Variants in MPHOSPH6 observed in about 807,000 individuals in gnomAD.
MPHOSPH6 encodes the protein M-phase phosphoprotein 6.
Under a neutral mutation model 21.8 loss-of-function variants are expected in MPHOSPH6, and 25 were observed. The ratio of observed to expected loss-of-function variants is 1.15; its 90% CI spans 0.83 to 1.60. MPHOSPH6 has a LOEUF of 1.60. MPHOSPH6 is among the 40% of genes most tolerant of loss of function. The pLI, the probability that MPHOSPH6 is intolerant of heterozygous loss-of-function variation, is 0.00. For synonymous variants in MPHOSPH6, 84 were observed against 56.5 expected, an observed-to-expected ratio of 1.49 and a Z score of -2.18; for missense variants, 269 against 181.8, an observed-to-expected ratio of 1.48 and a Z score of -2.76.
At chr16:82,151,316 A>T in intron 3 of MPHOSPH6, 108 bp downstream of exon 3, 1 of 1,441,420 alleles carries the variant, frequency 6.9e-7, no homozygotes, top group Non-Finnish European at 9.5e-7. Context: ...GTTATTTTCT[A>T]TATAATGAGT....
intron 2 of MPHOSPH6, among the ~76,000 whole-genome samples, chr16:82,155,591 A>G (rs992333848): frequency 6.6e-6 from 1 of 152,226 alleles, no homozygotes; most frequent in Non-Finnish European, 1.5e-5. Flanking sequence ...TAAACAATGC[A>G]ATAAGCAAAG....
At chr16:82,169,808 C>T in intron 1 of MPHOSPH6, among the ~76,000 whole-genome samples, 1 of 152,208 alleles carries the variant, frequency 6.6e-6, no homozygotes, top group Non-Finnish European at 1.5e-5. Flanking sequence ...TAAGCAACAA[C>T]TTCTCGAGAA....
chr16:82,156,928 C>T (rs973129168), intron 2 of MPHOSPH6, among the ~76,000 whole-genome samples: 6 of 152,164 alleles, frequency 3.9e-5, no homozygotes, highest in African/African-American at 1.4e-4. Flanking sequence ...TGGTGCACGC[C>T]TGTAATCCCA....
chr16:82,170,066 C>A, intron 1 of MPHOSPH6, 59 bp downstream of exon 1: 1 of 1,543,070 alleles, frequency 6.5e-7, no homozygotes, highest in Non-Finnish European at 8.7e-7. Context: ...CGGCCCCGGC[C>A]AGGTTGGAAG....
intron 1 of MPHOSPH6, among the ~76,000 whole-genome samples, chr16:82,166,654 T>G (rs529209093): frequency 1.2e-3 from 158 of 134,068 alleles, no homozygotes; most frequent in Non-Finnish European, 1.6e-3. Context: ...GCTCACTCAG[T>G]GAAAGTTCTC....
rs1299110161 is a variant in MPHOSPH6, at chr16:82,170,110, T to G, written c.51+15A>C. On this transcript the variant is annotated intron_variant, in intron 1 of 4. Coordinates refer to ENST00000258169, the MANE Select transcript of MPHOSPH6 (RefSeq NM_005792.2). Reference sequence around the variant, plus strand: ...GCCCCTACCGCCCGGAGTGGCGCTCTCAGCGTCCCCGCACCTTCATGCGCA... The same window carrying G: ...GCCCCTACCGCCCGGAGTGGCGCTCGCAGCGTCCCCGCACCTTCATGCGCA... 1 of 1,587,942 alleles carries G rather than the reference T, an allele frequency of 6.3e-7. No individual in the cohort carries two copies.
chr16:82,148,749 G>A lies in MPHOSPH6; in HGVS notation c.465C>T (p.Phe155=), dbSNP rs3751865. 0.14 allele frequency: 231,748 copies of A among 1,613,744 alleles called. 21,717 individuals are homozygous for A. The highest frequency in any genetic ancestry group is 0.44 in the Admixed American group (26,638 of 59,986). The part of the protein sequence containing the change: ...DITPIKAKKM[F]LKPQD ...ATCCATCTTAATCCTGGGGCTTTAA[G>A]AACATCTTCTTTGCTTTAATTGGTG... The change falls in exon 5 of 5, where the codon TTC becomes TTT. Residue 155 remains phenylalanine, a synonymous_variant. Coordinates refer to ENST00000258169, the MANE Select transcript of MPHOSPH6 (RefSeq NM_005792.2).
chr16:82,164,263 TTTC>T (rs1292628607), intron 1 of MPHOSPH6, 69 bp from the exon 2 acceptor site: 5 of 1,007,588 alleles, frequency 5.0e-6, no homozygotes, highest in Admixed American at 4.5e-5. Flanking sequence ...CCCAAATAAT[TTTC>T]TTCTTCTACT....
Position 82,167,175 on chromosome 16 carries a change from T to C in MPHOSPH6, c.51+2950A>G, listed in dbSNP as rs1290523952. On this transcript the variant is annotated intron_variant, in intron 1 of 4. Coordinates refer to ENST00000258169, the MANE Select transcript of MPHOSPH6 (RefSeq NM_005792.2). The stretch of plus-strand genomic sequence containing the variant: ...CCTTTACAGAAAGTTTGCCAAGCCC[T>C]GTTCTGAGAGTCTAACAGTGCCAAA... Among the ~76,000 whole-genome samples, 4 of 152,340 alleles carry C rather than the reference T, an allele frequency of 2.6e-5. No homozygotes were observed. In the South Asian group the frequency reaches 6.2e-4, roughly 24 times the overall value.
chr16:82,156,082 T>C (rs778349061), intron 2 of MPHOSPH6, among the ~76,000 whole-genome samples: 1 of 152,146 alleles, frequency 6.6e-6, no homozygotes, highest in African/African-American at 2.4e-5. Context: ...GCATAGCCAA[T>C]GATTCATTAG....
chr16:82,160,922 C>G (rs1906587055), intron 2 of MPHOSPH6, among the ~76,000 whole-genome samples: 1 of 151,696 alleles, frequency 6.6e-6, no homozygotes, highest in Non-Finnish European at 1.5e-5. Context: ...AAGCATCTCA[C>G]ATAAGAGGTG....
chr16:82,166,117 C>T (rs189352307), intron 1 of MPHOSPH6, among the ~76,000 whole-genome samples: 126 of 152,332 alleles, frequency 8.3e-4, no homozygotes, highest in African/African-American at 3.0e-3. Flanking sequence ...GGCTCTTTAT[C>T]ATATCCTAGT....
chr16:82,148,588 A>G lies in MPHOSPH6; in HGVS notation c.*143T>C. The G allele has an allele frequency of 9.2e-7, 1 of 1,092,504 alleles. No homozygotes were observed. The highest frequency in any genetic ancestry group is 1.3e-6 in the Non-Finnish European group (1 of 795,224). 67.7% of individuals were successfully genotyped at this position (1,092,504 alleles called of 1,614,324 possible). On this transcript the variant is annotated 3_prime_UTR_variant, in exon 5 of 5. Coordinates refer to ENST00000258169, the MANE Select transcript of MPHOSPH6 (RefSeq NM_005792.2). ...CAACATCCATCACACATCTGTTTCA[A>G]AAACAGCATGTTTCTAAAATGATAA... is the stretch of plus-strand genomic sequence containing the variant.
Position 82,165,123 on chromosome 16 carries a change from TTTTTTTTTTA to T in MPHOSPH6, c.52-939_52-930del, listed in dbSNP as rs1364317072. 3.9e-4 allele frequency among the ~76,000 whole-genome samples: 34 copies of T among 86,276 alleles called. 5 individuals are homozygous for T. In the South Asian group the frequency reaches 8.0e-3, roughly 20 times the overall value. The allele number at this position is 86,276 out of a possible 152,430, so 56.6% of individuals were successfully genotyped here. ...TTCAGGTCCGATATTTCTTTTTTATTTTTTTTTTTATTTTTTTTTTTTGAGACAGAGTCTC... is the reference window on the plus strand; with the variant it reads ...TTCAGGTCCGATATTTCTTTTTTATTTTTTTTTTTTTTGAGACAGAGTCTC... On this transcript the variant is annotated intron_variant, in intron 1 of 4. Transcript: ENST00000258169.
intron 1 of MPHOSPH6, 25 bp downstream of exon 1, chr16:82,170,100 A>C (rs2303265): frequency 0.73 from 1,135,759 of 1,553,930 alleles, 422,244 homozygotes; most frequent in Admixed American, 0.81. Flanking sequence ...TACCGCCCGG[A>C]GTGGCGCTCT....
intron 1 of MPHOSPH6, among the ~76,000 whole-genome samples, chr16:82,168,502 C>T (rs1459833009): frequency 6.8e-6 from 1 of 147,948 alleles, no homozygotes; most frequent in African/African-American, 2.6e-5. Context: ...ACAGGGTCTC[C>T]CTGTGTCACC....
Position 82,148,514 on chromosome 16 carries a change from C to T in MPHOSPH6, c.*217G>A, listed in dbSNP as rs955636119. 2.0e-6 allele frequency: 1 copy of T among 494,002 alleles called. No individual in the cohort carries two copies. Among genetic ancestry groups the T allele is most frequent in the Non-Finnish European group, 3.3e-6 (1 of 299,636 alleles). The allele number at this position is 494,002 out of a possible 1,614,324, so 30.6% of individuals were successfully genotyped here. A position where few individuals can be genotyped will look rare whatever the true frequency, so the allele number is the denominator to read the frequency against. On this transcript the variant is annotated 3_prime_UTR_variant, in exon 5 of 5. Transcript: ENST00000258169. ...CCTGTAACAATGTACATTTGTAGAT[C>T]AGGGGCTAAAAATCCACTCTGAATG...
In MPHOSPH6 at chr16:82,151,463, A is replaced by G. The variant is rs766393175; in HGVS notation, c.216T>C (p.Tyr72=). ...QSFLLCEDLL[Y]GRMSFRGFNP... ...TAAATCCTCTGAATGACATTCTTCC[A>G]TAGAGAAGATCTTCACATAGTAAGA... is the stretch of plus-strand genomic sequence containing the variant. Residue 72 remains tyrosine, a synonymous_variant, in exon 3 of 5, where the codon TAT becomes TAC. Coordinates refer to ENST00000258169, the MANE Select transcript of MPHOSPH6 (RefSeq NM_005792.2). 1.2e-5 allele frequency: 19 copies of G among 1,607,366 alleles called. No homozygotes were observed. Among genetic ancestry groups the G allele is most frequent in the Admixed American group, 3.4e-5 (2 of 58,858 alleles).
At chr16:82,165,666 C>T (rs1906750466) in intron 1 of MPHOSPH6, among the ~76,000 whole-genome samples, 1 of 65,986 alleles carries the variant, frequency 1.5e-5, no homozygotes, top group African/African-American at 3.7e-5. Context: ...TTTAGATACA[C>T]AGACACCACT....
Sources: gnomAD v4.1 joint callset for allele counts (sites outside exome capture counted in the v4.1 genomes callset) on GRCh38, gnomAD v4.1.1 for gene constraint, MANE v1.5 for transcripts, NCBI Gene and HGNC (gene_info 2026-07-23, HGNC 2026-07-21) for gene names.